Variants in PDE6B observed in about 807,000 individuals in gnomAD.
The protein encoded by PDE6B is rod cGMP-specific 3',5'-cyclic phosphodiesterase subunit beta.
A neutral mutation model predicts 109.0 loss-of-function variants in PDE6B; 106 were observed. The observed-to-expected ratio is 0.97, with a 90% CI of 0.83 to 1.14. PDE6B has a LOEUF of 1.14. Among genes scored for constraint, PDE6B ranks in the 50% most tolerant of loss-of-function variants. The pLI is 0.00. For synonymous variants in PDE6B, 490 were observed against 471.3 expected, an observed-to-expected ratio of 1.04 and a Z score of -0.51; for missense variants, 1,193 against 1,155.6, an observed-to-expected ratio of 1.03 and a Z score of -0.47.
At position 653,929 on chromosome 4, in the gene PDE6B, G is replaced by C; in HGVS notation, c.789G>C (p.Thr263=). ...IERQFHKAFY[T]VRAYLNCERY... The stretch of plus-strand genomic sequence containing the variant: ...GGCAGTTCCACAAGGCCTTCTACAC[G>C]GTGCGGGCCTACCTCAACTGCGAGC... The change falls in exon 4 of 22, where the codon ACG becomes ACC. Residue 263 remains threonine (T), a synonymous_variant. Coordinates refer to ENST00000496514, the MANE Select transcript of PDE6B (RefSeq NM_000283.4). The C allele has an allele frequency of 6.2e-7, 1 of 1,613,912 alleles. No homozygotes were observed. The highest frequency in any genetic ancestry group is 8.5e-7 in the Non-Finnish European group (1 of 1,180,010).
intron 3 of PDE6B, chr4:653,521 G>A: frequency 2.1e-6 from 1 of 479,542 alleles, no homozygotes; most frequent in Non-Finnish European, 3.7e-6. Flanking sequence ...AGGTGGTTCT[G>A]GAGCAGCCGG....
chr4:632,555 T>TG (rs555512808), intron 1 of PDE6B, among the ~76,000 whole-genome samples: 21 of 144,254 alleles, frequency 1.5e-4, no homozygotes, highest in Middle Eastern at 4.1e-3. Context: ...TGGTGCCGTC[T>TG]GGGGGTCACA....
intron 6 of PDE6B, chr4:655,262 C>T (rs919690468): frequency 3.0e-6 from 1 of 334,176 alleles, no homozygotes; most frequent in Non-Finnish European, 5.7e-6. Flanking sequence ...AGTGGAGCCT[C>T]CAGCCAGGAG....
At chr4:639,112 G>A (rs965201038) in intron 3 of PDE6B, among the ~76,000 whole-genome samples, 10 of 151,964 alleles carry the variant, frequency 6.6e-5, no homozygotes, top group East Asian at 3.9e-4. Context: ...GAAAGGCACC[G>A]TGATTCTGGA....
intron 20 of PDE6B, 139 bp from the exon 21 acceptor site, chr4:667,717 G>A (rs1737955848): frequency 2.3e-6 from 2 of 863,020 alleles, no homozygotes; most frequent in Admixed American, 1.7e-5. Flanking sequence ...GCTCTGCTGG[G>A]AAGGTGCCCC....
rs1734711020 is a variant in PDE6B at position 636,893 on chromosome 4, A to C, written c.711+924A>C. ...CATCCAGCCAGTGGACACCTGTGAGAAAACCCCCCGGAGGGAAGTCTCAGC... is the reference window on the plus strand; with the variant it reads ...CATCCAGCCAGTGGACACCTGTGAGCAAACCCCCCGGAGGGAAGTCTCAGC... On this transcript the variant is annotated intron_variant, in intron 3 of 21. Coordinates refer to ENST00000496514, the MANE Select transcript of PDE6B (RefSeq NM_000283.4). This position sits in a 1 kb window ranked among gnomAD's most constrained non-coding sequence, Gnocchi z 4.5. 6.6e-6 allele frequency among the ~76,000 whole-genome samples: 1 copy of C among 152,216 alleles called. No homozygotes were observed. Among genetic ancestry groups the C allele is most frequent in the Non-Finnish European group, 1.5e-5 (1 of 68,040 alleles).
intron 3 of PDE6B, among the ~76,000 whole-genome samples, chr4:640,264 G>A (rs1420518238): frequency 6.6e-6 from 1 of 152,124 alleles, no homozygotes; most frequent in Non-Finnish European, 1.5e-5. Context: ...AATTGGCCAG[G>A]CGTGGTGGCT....
At chr4:652,505 G>A (rs1049724376) in intron 3 of PDE6B, 22 of 984,874 alleles carry the variant, frequency 2.2e-5, no homozygotes, top group African/African-American at 8.7e-5. Flanking sequence ...GGTCAGCCGC[G>A]CTGTGTGGCG....
At chr4:653,342 C>T (rs968158140) in intron 3 of PDE6B, 14 of 1,085,034 alleles carry the variant, frequency 1.3e-5, no homozygotes, top group East Asian at 1.5e-4. Flanking sequence ...CTGGTGGCAG[C>T]GCTGACCCAG....
chr4:650,803 CGGG>C (rs1735471031), intron 3 of PDE6B, among the ~76,000 whole-genome samples: 1 of 151,978 alleles, frequency 6.6e-6, no homozygotes, highest in African/African-American at 2.4e-5. Context: ...GGGGTGTTGA[CGGG>C]GGCACAGAGG....
chr4:629,851 G>T (rs377645393), intron 1 of PDE6B, among the ~76,000 whole-genome samples: 1 of 152,212 alleles, frequency 6.6e-6, no homozygotes, highest in Admixed American at 6.5e-5. Flanking sequence ...GCCCCAGAGC[G>T]AGGCCCAGCT....
chr4:627,831 G>A (rs1463187850), intron 1 of PDE6B, among the ~76,000 whole-genome samples: 4 of 150,958 alleles, frequency 2.6e-5, no homozygotes, highest in East Asian at 2.0e-4. Flanking sequence ...TTTGTCCCCC[G>A]CTGCCACCAC....
intron 20 of PDE6B, 99 bp from the exon 21 acceptor site, chr4:667,757 A>C (rs1433642133): frequency 7.6e-7 from 1 of 1,309,228 alleles, no homozygotes; most frequent in Non-Finnish European, 1.1e-6. Flanking sequence ...CCTGCCAGGC[A>C]GTTCATCCCC....
Position 666,666 on chromosome 4 carries a change from AG to A in PDE6B, c.2352+54del. ...TGACTGGGGCAGGGTGGCTGGGAGCAGGCAAGGGGGCGCGGGCTGGAGTCGC... is the reference window on the plus strand; with the variant it reads ...TGACTGGGGCAGGGTGGCTGGGAGCAGCAAGGGGGCGCGGGCTGGAGTCGC... On this transcript the variant is annotated intron_variant, in intron 20 of 21. Coordinates refer to ENST00000496514, the MANE Select transcript of PDE6B (RefSeq NM_000283.4). The surrounding 1 kb of genome is among the most constrained non-coding windows in gnomAD (Gnocchi z 5.6). 7.8e-7 allele frequency: 1 copy of A among 1,277,490 alleles called. No individual in the cohort carries two copies. The highest frequency in any genetic ancestry group is 1.1e-6 in the Non-Finnish European group (1 of 874,054). The allele number at this position is 1,277,490 out of a possible 1,614,324, so 79.1% of individuals were successfully genotyped here. A position where few individuals can be genotyped will look rare whatever the true frequency, so the allele number is the denominator to read the frequency against.
At chr4:668,603 C>T (rs2109287986) in intron 21 of PDE6B, among the ~76,000 whole-genome samples, 1 of 128,944 alleles carries the variant, frequency 7.8e-6, no homozygotes, top group African/African-American at 3.2e-5. Flanking sequence ...ATTCCCGCTA[C>T]CCCATGCTAT....
chr4:653,488 G>A (rs2109189453), intron 3 of PDE6B: 2 of 499,028 alleles, frequency 4.0e-6, no homozygotes, highest in Admixed American at 3.7e-5. Flanking sequence ...ACGGCCCGAT[G>A]TTCTCAAAGC....
At chr4:661,164 G>A (rs1315538934) in intron 12 of PDE6B, 1 of 153,970 alleles carries the variant, frequency 6.5e-6, no homozygotes, top group Non-Finnish European at 1.4e-5. Flanking sequence ...ATGGGTCAAT[G>A]AATGGGTGAA....
intron 10 of PDE6B, 138 bp downstream of exon 10, chr4:657,632 G>A (rs1736462344): frequency 1.2e-6 from 1 of 829,064 alleles, no homozygotes; most frequent in Non-Finnish European, 2.0e-6. Context: ...GGTCACGGCT[G>A]TGCGGTGGGG....
At chr4:659,663 C>A (rs867487458) in intron 11 of PDE6B, among the ~76,000 whole-genome samples, 1 of 147,898 alleles carries the variant, frequency 6.8e-6, no homozygotes, top group African/African-American at 2.5e-5. Flanking sequence ...TGTGTGCCCA[C>A]GAGTATGTGT....
Sources: allele counts gnomAD v4.1 joint callset (sites outside exome capture counted in the v4.1 genomes callset), GRCh38; gene constraint gnomAD v4.1.1; non-coding constraint Gnocchi (gnomAD v3.1); transcripts MANE v1.5; gene names NCBI Gene and HGNC (gene_info 2026-07-23, HGNC 2026-07-21).